AUTS2: variants seen among roughly 807,000 people sequenced by gnomAD.
The protein encoded by AUTS2 is activator of transcription and developmental regulator AUTS2.
In AUTS2, 17 loss-of-function variants were observed where a neutral mutation model predicts 112.4. That is an observed-to-expected ratio of 0.15 (90% confidence interval 0.10 to 0.23). AUTS2 has a LOEUF of 0.23. Ranked by LOEUF, AUTS2 falls within the 10% of genes least tolerant of loss-of-function variation. The pLI, the probability that AUTS2 is intolerant of heterozygous loss-of-function variation, is 1.00. For synonymous variants in AUTS2, 751 were observed against 702.7 expected (o/e 1.07, Z -1.09); for missense variants, 1,510 against 1,701.6 (o/e 0.89, Z 1.98).
At position 69,985,227 on chromosome 7, in the gene AUTS2, T is replaced by TAA. The variant is rs71068005; in HGVS notation, c.522+85748_522+85749dup. On this transcript the variant is annotated intron_variant, in intron 2 of 18. Transcript: ENST00000342771. ...GCCTGAGCAACAGAGGAAGACTCTC[T>TAA]AAAAAAAAAAAAAAAAAAAAGAAAG... is the stretch of plus-strand genomic sequence containing the variant. Among the ~76,000 whole-genome samples the TAA allele has an allele frequency of 8.7e-3, 907 of 104,648 alleles. 10 individuals carry two copies. Among genetic ancestry groups the TAA allele is most frequent in the African/African-American group, 0.024 (652 of 27,280 alleles). 68.7% of individuals were successfully genotyped at this position (104,648 alleles called of 152,430 possible). A position where few individuals can be genotyped will look rare whatever the true frequency, so the allele number is the denominator to read the frequency against.
At chr7:70,491,812 G>C (rs1798257678) in intron 5 of AUTS2, among the ~76,000 whole-genome samples, 2 of 151,838 alleles carry the variant, frequency 1.3e-5, no homozygotes, top group South Asian at 4.2e-4. Context: ...ATGCGGTTTC[G>C]CCATGTTGGC....
intron 1 of AUTS2, among the ~76,000 whole-genome samples, chr7:69,872,406 A>G (rs532323021): frequency 6.6e-6 from 1 of 152,286 alleles, no homozygotes; most frequent in African/African-American, 2.4e-5. Flanking sequence ...CATGTTGGAT[A>G]TGTCCTTAAT....
intron 5 of AUTS2, among the ~76,000 whole-genome samples, chr7:70,635,129 T>C (rs1805468964): frequency 6.6e-6 from 1 of 152,148 alleles, no homozygotes; most frequent in Admixed American, 6.5e-5. Flanking sequence ...AATAGTACCT[T>C]GGGGTCTTTC....
At chr7:69,711,675 G>A (rs907101814) in intron 1 of AUTS2, among the ~76,000 whole-genome samples, 7 of 151,984 alleles carry the variant, frequency 4.6e-5, no homozygotes, top group African/African-American at 1.7e-4. Context: ...TTCTGGCCTC[G>A]TAAAAATAGA....
intron 1 of AUTS2, among the ~76,000 whole-genome samples, chr7:69,620,121 A>T (rs1383287699): frequency 6.6e-6 from 1 of 152,214 alleles, no homozygotes; most frequent in African/African-American, 2.4e-5. Context: ...AGCATGACAT[A>T]CAGTAAGGTT....
rs529134509 is a variant in AUTS2, at chr7:70,509,610, A to G, written c.690+73829A>G. On this transcript the variant is annotated intron_variant, in intron 5 of 18. Coordinates refer to ENST00000342771, the MANE Select transcript of AUTS2 (RefSeq NM_015570.4). ...CTGGCCCACGGTATAAGCCTACTGC[A>G]TAGCTCATTGATGAATGAACCCCAG... Among the ~76,000 whole-genome samples the G allele has an allele frequency of 4.7e-4, 71 of 152,322 alleles. No individual in the cohort carries two copies. The Middle Eastern group carries it at 0.031, about 66-fold the overall frequency.
chr7:70,212,762 A>G (rs1273893343), intron 4 of AUTS2, among the ~76,000 whole-genome samples: 1 of 152,176 alleles, frequency 6.6e-6, no homozygotes, highest in Non-Finnish European at 1.5e-5. Context: ...GGCACACTGA[A>G]TAGAAAGTAT....
chr7:70,619,796 A>AC (rs759481898), intron 5 of AUTS2, among the ~76,000 whole-genome samples: 1 of 151,994 alleles, frequency 6.6e-6, no homozygotes, highest in Non-Finnish European at 1.5e-5. Context: ...TTTCAGATGC[A>AC]CCCCCATGCT....
chr7:70,559,042 G>C (rs928359971), intron 5 of AUTS2, among the ~76,000 whole-genome samples: 4 of 152,152 alleles, frequency 2.6e-5, no homozygotes, highest in African/African-American at 9.7e-5. Context: ...TCACAGGGGT[G>C]GGTCTTTCCT....
At chr7:70,562,509 T>C (rs1364970272) in intron 5 of AUTS2, among the ~76,000 whole-genome samples, 3 of 152,250 alleles carry the variant, frequency 2.0e-5, no homozygotes, top group Non-Finnish European at 4.4e-5. Context: ...TATTTGGAAG[T>C]GATCTTAGAA....
intron 2 of AUTS2, among the ~76,000 whole-genome samples, chr7:69,977,657 G>A (rs1024042036): frequency 3.9e-5 from 6 of 152,128 alleles, no homozygotes; most frequent in Non-Finnish European, 8.8e-5. Flanking sequence ...AGTGTTGGAA[G>A]TCTGGACTCC....
chr7:70,549,029 C>T (rs1351046280), intron 5 of AUTS2, among the ~76,000 whole-genome samples: 8 of 151,016 alleles, frequency 5.3e-5, no homozygotes, highest in African/African-American at 1.9e-4. Flanking sequence ...ATTGAGTCTT[C>T]TCACCCTTGA....
chr7:70,245,128 A>G, intron 4 of AUTS2, among the ~76,000 whole-genome samples: 1 of 82,284 alleles, frequency 1.2e-5, no homozygotes, highest in Non-Finnish European at 2.4e-5. Context: ...TCAAAAAAAA[A>G]AAAAAGTGTG....
chr7:70,049,855 G>T (rs574468244), intron 2 of AUTS2, among the ~76,000 whole-genome samples: 4 of 151,646 alleles, frequency 2.6e-5, no homozygotes, highest in African/African-American at 9.7e-5. Context: ...CCCAACAAAC[G>T]TGTGTGTTTG....
chr7:69,691,156 C>T (rs897664082), intron 1 of AUTS2, among the ~76,000 whole-genome samples: 7 of 152,288 alleles, frequency 4.6e-5, no homozygotes, highest in Admixed American at 1.3e-4. Flanking sequence ...GAAGTATGTG[C>T]TGATTGGTCC....
chr7:70,557,431 C>T (rs949990479), intron 5 of AUTS2, among the ~76,000 whole-genome samples: 8 of 152,186 alleles, frequency 5.3e-5, no homozygotes, highest in East Asian at 1.9e-4. Flanking sequence ...CCAGCTTAGC[C>T]GAGTCATGTT....
At chr7:69,953,371 AT>A (rs1165525768) in intron 2 of AUTS2, among the ~76,000 whole-genome samples, 5 of 151,502 alleles carry the variant, frequency 3.3e-5, no homozygotes, top group South Asian at 2.1e-4. Context: ...ATTTAGTATG[AT>A]TTTTTTTTCT....
intron 2 of AUTS2, among the ~76,000 whole-genome samples, chr7:70,109,188 T>C (rs1804940202): frequency 6.6e-6 from 1 of 152,204 alleles, no homozygotes; most frequent in Non-Finnish European, 1.5e-5. Flanking sequence ...TCATAAAAAG[T>C]AAGTTTTGTG....
chr7:70,401,757 A>G (rs904038038), intron 4 of AUTS2, among the ~76,000 whole-genome samples: 10 of 152,362 alleles, frequency 6.6e-5, no homozygotes, highest in African/African-American at 2.4e-4. Context: ...ATCTGCAAAC[A>G]GGAGGGCAGA....
Sources: allele counts gnomAD v4.1 joint callset (sites outside exome capture counted in the v4.1 genomes callset), GRCh38; gene constraint gnomAD v4.1.1; transcripts MANE v1.5; gene names NCBI Gene and HGNC (gene_info 2026-07-23, HGNC 2026-07-21).